SYNE2: variants seen among roughly 807,000 people sequenced by gnomAD.
The protein encoded by SYNE2 is spectrin repeat containing nuclear envelope protein 2, also known as nesprin-2.
SYNE2 carries 431 observed loss-of-function variants against 856.3 expected under a neutral mutation model. The ratio of observed to expected loss-of-function variants is 0.50; its 90% CI spans 0.47 to 0.55. SYNE2 has a LOEUF of 0.55. SYNE2 is among the 20% of genes least tolerant of loss of function. The pLI is 0.00. For synonymous variants in SYNE2, 2,923 were observed against 2,872.3 expected (o/e 1.02, Z -0.56); for missense variants, 8,129 against 8,023.2 (o/e 1.01, Z -0.50).
intron 2 of SYNE2, among the ~76,000 whole-genome samples, chr14:63,927,017 A>T (rs1332227686): frequency 6.6e-6 from 1 of 152,202 alleles, no homozygotes; most frequent in Non-Finnish European, 1.5e-5. Flanking sequence ...GTCCTGAAAG[A>T]AGGCGGGAGT....
intron 1 of SYNE2, among the ~76,000 whole-genome samples, chr14:63,876,249 C>CAAA (rs11438519): frequency 1.1e-4 from 13 of 117,636 alleles, no homozygotes; most frequent in African/African-American, 2.9e-4. Flanking sequence ...TCTATCTCTA[C>CAAA]AAAAAAAAAA....
At chr14:63,795,146 G>A (rs1208581612) in intron 1 of SYNE2, among the ~76,000 whole-genome samples, 1 of 152,084 alleles carries the variant, frequency 6.6e-6, no homozygotes, top group Non-Finnish European at 1.5e-5. Flanking sequence ...TGGATTGAAG[G>A]ATGCAAAGTA....
intron 99 of SYNE2, chr14:64,190,725 A>C (rs894082083): frequency 1.5e-6 from 1 of 666,390 alleles, no homozygotes; most frequent in African/African-American, 1.8e-5. Context: ...TCAGAGTGCC[A>C]GGTCTCCCAT....
intron 1 of SYNE2, among the ~76,000 whole-genome samples, chr14:63,871,621 T>G (rs1234480622): frequency 6.6e-6 from 1 of 150,882 alleles, no homozygotes; most frequent in Non-Finnish European, 1.5e-5. Context: ...TTTTTTTTAA[T>G]CTTTCAGAGA....
At chr14:64,082,174 G>A (rs2097529609) in intron 57 of SYNE2, among the ~76,000 whole-genome samples, 1 of 152,076 alleles carries the variant, frequency 6.6e-6, no homozygotes, top group South Asian at 2.1e-4. Context: ...ATCCTCTGGT[G>A]TATATGACCT....
At chr14:64,147,768 A>G (rs560087086) in intron 84 of SYNE2, among the ~76,000 whole-genome samples, 10 of 152,358 alleles carry the variant, frequency 6.6e-5, no homozygotes, top group Admixed American at 6.5e-4. Flanking sequence ...TTCCAGAAGC[A>G]AGAGTCCATT....
intron 76 of SYNE2, among the ~76,000 whole-genome samples, chr14:64,130,832 C>T (rs1024784319): frequency 2.0e-5 from 3 of 150,542 alleles, no homozygotes; most frequent in African/African-American, 7.3e-5. Flanking sequence ...TTGCAGTAAG[C>T]TGAGATCACG....
intron 107 of SYNE2, 82 bp from the exon 108 acceptor site, chr14:64,216,166 T>C (rs1034012122): frequency 2.4e-5 from 39 of 1,605,180 alleles, no homozygotes; most frequent in Middle Eastern, 2.1e-4. Flanking sequence ...GAACTCATTT[T>C]CATACTGTAA....
At chr14:63,956,021 T>G (rs2096237810) in intron 8 of SYNE2, among the ~76,000 whole-genome samples, 1 of 152,252 alleles carries the variant, frequency 6.6e-6, no homozygotes, top group African/African-American at 2.4e-5. Context: ...TTCTCAACTT[T>G]TTGTGCTATT....
chr14:63,953,687 C>T (rs931686659), intron 7 of SYNE2, among the ~76,000 whole-genome samples: 3 of 152,202 alleles, frequency 2.0e-5, no homozygotes, highest in African/African-American at 4.8e-5. Flanking sequence ...CATCACCACT[C>T]TCTGTCACCA....
intron 1 of SYNE2, among the ~76,000 whole-genome samples, chr14:63,768,605 A>G (rs186720066): frequency 6.6e-6 from 1 of 152,340 alleles, no homozygotes; most frequent in African/African-American, 2.4e-5. Flanking sequence ...AATCAAACAT[A>G]AAATTGTTTT....
chr14:64,037,337 ACGAGCATG>A (rs1463630590), intron 45 of SYNE2, among the ~76,000 whole-genome samples: 2 of 150,850 alleles, frequency 1.3e-5, no homozygotes, highest in African/African-American at 2.4e-5. Context: ...ATGACTCTTA[ACGAGCATG>A]CTGCCTTCAA....
At chr14:63,941,278 TCTC>T (rs1485256197) in intron 3 of SYNE2, among the ~76,000 whole-genome samples, 1 of 152,208 alleles carries the variant, frequency 6.6e-6, no homozygotes, top group African/African-American at 2.4e-5. Context: ...ATGAGCCTCT[TCTC>T]ACAGACCACA....
intron 1 of SYNE2, among the ~76,000 whole-genome samples, chr14:63,830,505 T>C (rs1449900960): frequency 6.6e-6 from 1 of 151,706 alleles, no homozygotes; most frequent in East Asian, 1.9e-4. Context: ...CAAATAATTT[T>C]TAAAAATTAA....
chr14:64,023,470 A>C (rs2096953328), intron 38 of SYNE2: 1 of 152,616 alleles, frequency 6.6e-6, no homozygotes, highest in Non-Finnish European at 1.5e-5. Flanking sequence ...ATATTTGATA[A>C]AAAATAAAGA....
intron 9 of SYNE2, among the ~76,000 whole-genome samples, chr14:63,963,120 G>T (rs1441658058): frequency 6.6e-6 from 1 of 152,122 alleles, no homozygotes; most frequent in Non-Finnish European, 1.5e-5. Flanking sequence ...TTAAGTTTGA[G>T]GCAATAAGCC....
Position 64,202,924 on chromosome 14 carries a change from C to T in SYNE2, c.18162C>T (p.Cys6054=), listed in dbSNP as rs1340810234. The T allele has an allele frequency of 1.1e-5, 18 of 1,614,022 alleles. 1 individual carries two copies. Among genetic ancestry groups the T allele is most frequent in the African/African-American group, 8.0e-5 (6 of 74,886 alleles). ...CCAAGCCTGTTGTTTATGATGTCTG[C>T]GATGATCAAGAGATCCAGAAGAGGC... ...ELSKPVVYDV[C]DDQEIQKRLA... The change falls in exon 100 of 116, where the codon TGC becomes TGT. Residue 6054 remains cysteine (C), a synonymous_variant. Coordinates refer to ENST00000555002, the MANE Select transcript of SYNE2 (RefSeq NM_182914.3).
In SYNE2 at chr14:64,101,957, C is replaced by A; in HGVS notation, c.12407C>A (p.Ser4136Ter). The A allele has an allele frequency of 6.2e-7, 1 of 1,613,796 alleles. No homozygotes were observed. ...AATGGAGATGAGAAGGCAGAGCCAT[C>A]GCCTCAGTCTTGGTCTTCACTTTGG... ...SDNGDEKAEP[S>*]PQSWSSLWKH... The change falls in exon 64 of 116, where the codon TCG (serine) becomes TAG (stop). Residue 4136 changes from serine (S) to a stop codon, truncating the protein, a stop_gained. Transcript: ENST00000555002. LOFTEE classifies it high-confidence loss of function.
intron 41 of SYNE2, 98 bp downstream of exon 41, chr14:64,025,519 C>T: frequency 8.3e-7 from 1 of 1,208,810 alleles, no homozygotes. Flanking sequence ...AATGGAAAAT[C>T]AGATCACTGT....
Sources: gnomAD v4.1 joint callset for allele counts (sites outside exome capture counted in the v4.1 genomes callset) on GRCh38, gnomAD v4.1.1 for gene constraint, MANE v1.5 for transcripts, NCBI Gene and HGNC (gene_info 2026-07-23, HGNC 2026-07-21) for gene names.